The following ROR2 variants were observed in gnomAD, a reference collection of about 807,000 sequenced individuals.
ROR2 encodes tyrosine-protein kinase transmembrane receptor ROR2.
ROR2 carries 33 observed loss-of-function variants against 74.9 expected under a neutral mutation model. The ratio of observed to expected loss-of-function variants is 0.44; its 90% CI spans 0.33 to 0.59. The LOEUF (loss-of-function observed/expected upper bound fraction) is 0.59. Ranked by LOEUF, ROR2 falls within the 20% of genes least tolerant of loss-of-function variation. The pLI is 0.02. For synonymous variants in ROR2, 586 were observed against 558.7 expected (o/e 1.05, Z -0.69); for missense variants, 1,216 against 1,313.8 (o/e 0.93, Z 1.15).
chr9:91,941,672 C>T (rs1253161709), intron 1 of ROR2, among the ~76,000 whole-genome samples: 1 of 152,206 alleles, frequency 6.6e-6, no homozygotes, highest in Non-Finnish European at 1.5e-5. Context: ...ATGCACTGGA[C>T]TGCCTTGTCC....
chr9:91,878,281 G>A (rs1238760687), intron 1 of ROR2, among the ~76,000 whole-genome samples: 4 of 152,126 alleles, frequency 2.6e-5, no homozygotes, highest in Non-Finnish European at 5.9e-5. Flanking sequence ...TCCCTTTCCT[G>A]GGCTTCAGGG....
intron 1 of ROR2, among the ~76,000 whole-genome samples, chr9:91,811,348 C>T (rs548465688): frequency 1.2e-4 from 18 of 152,342 alleles, no homozygotes; most frequent in African/African-American, 4.1e-4. Flanking sequence ...GGTGCTCATT[C>T]GGCCCGTGTG....
intron 1 of ROR2, among the ~76,000 whole-genome samples, chr9:91,778,243 C>T (rs912556496): frequency 2.0e-5 from 3 of 152,240 alleles, no homozygotes; most frequent in Admixed American, 6.5e-5. Context: ...GCAATGGGTA[C>T]ACATACTGAG....
intron 1 of ROR2, among the ~76,000 whole-genome samples, chr9:91,790,495 C>T (rs1001651073): frequency 1.1e-4 from 16 of 147,306 alleles, no homozygotes; most frequent in African/African-American, 2.3e-4. Context: ...GGTGACAGAG[C>T]GAGACTCCGT....
At chr9:91,879,860 G>C (rs1830057033) in intron 1 of ROR2, among the ~76,000 whole-genome samples, 1 of 152,070 alleles carries the variant, frequency 6.6e-6, no homozygotes, top group African/African-American at 2.4e-5. Flanking sequence ...GTCCATCTTT[G>C]CTTAAAATCA....
At chr9:91,836,409 G>A (rs1014082755) in intron 1 of ROR2, among the ~76,000 whole-genome samples, 1 of 151,994 alleles carries the variant, frequency 6.6e-6, no homozygotes, top group African/African-American at 2.4e-5. Context: ...TCGTAGTGGT[G>A]CGTGCCTGTA....
chr9:91,901,239 G>A (rs1008462550), intron 1 of ROR2, among the ~76,000 whole-genome samples: 10 of 152,330 alleles, frequency 6.6e-5, no homozygotes, highest in African/African-American at 2.2e-4. Flanking sequence ...TTTAGTATAA[G>A]TTAGACTATC....
intron 1 of ROR2, among the ~76,000 whole-genome samples, chr9:91,921,728 C>T (rs12340427): frequency 0.26 from 39,283 of 151,596 alleles, 8,213 homozygotes; most frequent in African/African-American, 0.56. Context: ...CCAGGCGTGG[C>T]GGCGCACGCC....
At chr9:91,890,073 G>A (rs561538247) in intron 1 of ROR2, among the ~76,000 whole-genome samples, 5 of 152,200 alleles carry the variant, frequency 3.3e-5, no homozygotes, top group Non-Finnish European at 7.3e-5. Flanking sequence ...TGAGTAGTAA[G>A]AGCCCAGTGA....
Position 91,804,356 on chromosome 9 carries a change from C to G in ROR2, c.98-28538G>C, listed in dbSNP as rs1827482819. Among the ~76,000 whole-genome samples the G allele has an allele frequency of 2.0e-5, 3 of 152,342 alleles. No homozygotes were observed. In the South Asian group the frequency reaches 6.2e-4, roughly 32 times the overall value. ...CCCTAATTCCCAGAAGCTATTGTAG[C>G]AGTGCGTGTGCCAGCCCCACAGCTG... On this transcript the variant is annotated intron_variant, in intron 1 of 8. Transcript: ENST00000375708.
At chr9:91,832,513 G>C (rs1317514888) in intron 1 of ROR2, among the ~76,000 whole-genome samples, 1 of 152,004 alleles carries the variant, frequency 6.6e-6, no homozygotes, top group Non-Finnish European at 1.5e-5. Flanking sequence ...TCATGTGACT[G>C]ACTTTAAGTA....
intron 2 of ROR2, among the ~76,000 whole-genome samples, chr9:91,759,054 C>G (rs1247243832): frequency 1.3e-5 from 2 of 152,224 alleles, no homozygotes; most frequent in Non-Finnish European, 2.9e-5. Flanking sequence ...TGGCTCATTT[C>G]TGGTTGGCCT....
At chr9:91,869,845 G>C (rs1829744898) in intron 1 of ROR2, among the ~76,000 whole-genome samples, 1 of 151,798 alleles carries the variant, frequency 6.6e-6, no homozygotes, top group Non-Finnish European at 1.5e-5. Flanking sequence ...TCTTCCTCAG[G>C]AACTTTTTTA....
chr9:91,856,342 G>A (rs1043607367), intron 1 of ROR2, among the ~76,000 whole-genome samples: 4 of 152,224 alleles, frequency 2.6e-5, no homozygotes, highest in Admixed American at 6.5e-5. Flanking sequence ...GCAACAAAAC[G>A]AGACCTTAAT....
intron 1 of ROR2, among the ~76,000 whole-genome samples, chr9:91,815,555 T>C (rs773198908): frequency 2.0e-5 from 3 of 152,240 alleles, no homozygotes; most frequent in African/African-American, 7.2e-5. Context: ...TATAGTGAGT[T>C]ACAGGATTTT....
intron 1 of ROR2, among the ~76,000 whole-genome samples, chr9:91,841,688 C>T (rs12002478): frequency 0.19 from 28,304 of 152,188 alleles, 4,594 homozygotes; most frequent in African/African-American, 0.44. Context: ...GCCCTCCACA[C>T]GTCTGCATGA....
intron 1 of ROR2, among the ~76,000 whole-genome samples, chr9:91,857,013 G>A (rs570153929): frequency 4.7e-4 from 72 of 152,300 alleles, no homozygotes; most frequent in Admixed American, 1.2e-3. Context: ...TCCAGAATCC[G>A]TGTTCACTCC....
chr9:91,884,678 G>A (rs1403568515), intron 1 of ROR2, among the ~76,000 whole-genome samples: 1 of 151,924 alleles, frequency 6.6e-6, no homozygotes, highest in East Asian at 1.9e-4. Flanking sequence ...GCTGGAACTG[G>A]AGCTAACACA....
chr9:91,802,708 C>T (rs1398328728), intron 1 of ROR2, among the ~76,000 whole-genome samples: 2 of 152,096 alleles, frequency 1.3e-5, no homozygotes, highest in African/African-American at 4.8e-5. Flanking sequence ...GGACTGAATC[C>T]AGCCTGCAGT....
Sources: gnomAD v4.1 joint callset for allele counts (sites outside exome capture counted in the v4.1 genomes callset) on GRCh38, gnomAD v4.1.1 for gene constraint, MANE v1.5 for transcripts, NCBI Gene and HGNC (gene_info 2026-07-23, HGNC 2026-07-21) for gene names.